TLL2: variants seen among roughly 807,000 people sequenced by gnomAD.
TLL2 encodes tolloid like 2.
TLL2 carries 106 observed loss-of-function variants against 123.0 expected under a neutral mutation model. That is an observed-to-expected ratio of 0.86 (90% CI 0.74 to 1.01). The LOEUF (loss-of-function observed/expected upper bound fraction) is 1.01, where lower values mean the gene tolerates loss of function less well. TLL2 is among the 50% of genes least tolerant of loss of function. TLL2 has a pLI of 0.00. For synonymous variants in TLL2, 494 were observed against 516.8 expected, an observed-to-expected ratio of 0.96 and a Z score of 0.60; for missense variants, 1,332 against 1,336.7, an observed-to-expected ratio of 1.00 and a Z score of 0.06.
chr10:96,368,805 C>T (rs938794022), intron 20 of TLL2, among the ~76,000 whole-genome samples: 6 of 152,210 alleles, frequency 3.9e-5, no homozygotes, highest in Admixed American at 6.5e-5. Flanking sequence ...ATGGGAGCCA[C>T]GTTCCAAGGC....
At chr10:96,396,612 C>T (rs577593138) in intron 11 of TLL2, among the ~76,000 whole-genome samples, 93 of 116,596 alleles carry the variant, frequency 8.0e-4, no homozygotes, top group African/African-American at 3.0e-3. Flanking sequence ...GTAGAGGGTA[C>T]GGTGGGGTGG....
intron 3 of TLL2, among the ~76,000 whole-genome samples, chr10:96,444,105 C>G (rs1357154000): frequency 6.6e-6 from 1 of 152,184 alleles, no homozygotes; most frequent in Non-Finnish European, 1.5e-5. Flanking sequence ...TATCAATAAG[C>G]CACAGCTTAC....
chr10:96,395,107 T>C (rs570915175), intron 13 of TLL2, 80 bp downstream of exon 13: 8 of 1,415,778 alleles, frequency 5.7e-6, no homozygotes, highest in East Asian at 2.4e-5. Flanking sequence ...TAAGCTTCCA[T>C]ATGGTTTTGT....
rs1355813845 is a variant in TLL2 at position 96,432,894 on chromosome 10, G to C, written c.433C>G (p.Pro145Ala). Residue 145 changes from proline (P) to alanine (A), a missense_variant, in exon 4 of 21, where the codon CCC becomes GCC. Coordinates refer to ENST00000357947, the MANE Select transcript of TLL2 (RefSeq NM_012465.4). Reference protein sequence around the residue: ...TLHAAAKTFSPRVRRATTSRT... With the variant: ...TLHAAAKTFSARVRRATTSRT... Reference sequence around the variant, plus strand: ...GAGGTTGTGGCTCTTCGGACCCGGGGAGAGAAGGTCTTGGCTGCGGCATGC... The same window carrying C: ...GAGGTTGTGGCTCTTCGGACCCGGGCAGAGAAGGTCTTGGCTGCGGCATGC... The C allele has an allele frequency of 1.9e-5, 31 of 1,614,156 alleles. No individual in the cohort carries two copies. The highest frequency in any genetic ancestry group is 2.5e-5 in the Non-Finnish European group (29 of 1,180,020).
intron 10 of TLL2, among the ~76,000 whole-genome samples, chr10:96,404,293 T>A (rs1846428191): frequency 6.7e-6 from 1 of 149,578 alleles, no homozygotes. Flanking sequence ...TAAGCTTTCT[T>A]GTTACACCAC....
intron 2 of TLL2, among the ~76,000 whole-genome samples, chr10:96,462,495 T>A (rs1847091245): frequency 6.6e-6 from 1 of 152,194 alleles, no homozygotes; most frequent in Admixed American, 6.5e-5. Context: ...TTCACTAAAC[T>A]AGTGAACACC....
intron 2 of TLL2, among the ~76,000 whole-genome samples, chr10:96,477,743 G>A (rs1163422577): frequency 6.6e-6 from 1 of 152,210 alleles, no homozygotes; most frequent in Non-Finnish European, 1.5e-5. Context: ...AAGGATGCAA[G>A]TCCAGGCAGT....
rs566843842 is a variant in TLL2, at chr10:96,404,839, T to C, written c.1267+393A>G. On this transcript the variant is annotated intron_variant, in intron 10 of 20. Transcript: ENST00000357947. ...AGTGTACCATGAACACCTTTCCATATCAGTAGTCAACTACAACTTCATTTT... is the reference window on the plus strand; with the variant it reads ...AGTGTACCATGAACACCTTTCCATACCAGTAGTCAACTACAACTTCATTTT... 8.1e-4 allele frequency among the ~76,000 whole-genome samples: 123 copies of C among 152,290 alleles called. 1 individual carries two copies. Among genetic ancestry groups the C allele is most frequent in the African/African-American group, 2.7e-3 (113 of 41,546 alleles).
chr10:96,443,439 G>A (rs1440520796), intron 3 of TLL2, among the ~76,000 whole-genome samples: 1 of 152,152 alleles, frequency 6.6e-6, no homozygotes, highest in Non-Finnish European at 1.5e-5. Context: ...CCACAAGGAG[G>A]CACACTGGGG....
At chr10:96,380,010 T>C (rs1846171910) in intron 16 of TLL2, among the ~76,000 whole-genome samples, 1 of 152,230 alleles carries the variant, frequency 6.6e-6, no homozygotes, top group African/African-American at 2.4e-5. Flanking sequence ...ACCGCACCAC[T>C]TCCAGCCCTT....
At chr10:96,471,944 A>G (rs1847188649) in intron 2 of TLL2, among the ~76,000 whole-genome samples, 1 of 152,134 alleles carries the variant, frequency 6.6e-6, no homozygotes, top group Admixed American at 6.5e-5. Context: ...GAAGGTTCAT[A>G]ATGTTCGTCA....
chr10:96,370,801 T>C (rs1302567933), intron 19 of TLL2, among the ~76,000 whole-genome samples: 1 of 152,178 alleles, frequency 6.6e-6, no homozygotes, highest in Admixed American at 6.5e-5. Context: ...CTCTCAACCC[T>C]GGAAACCTCA....
At chr10:96,467,287 A>G (rs953007482) in intron 2 of TLL2, among the ~76,000 whole-genome samples, 1 of 152,102 alleles carries the variant, frequency 6.6e-6, no homozygotes, top group African/African-American at 2.4e-5. Context: ...GCTCAAGCAC[A>G]ATCATAGCTC....
chr10:96,498,501 G>A (rs1489105107), intron 1 of TLL2, among the ~76,000 whole-genome samples: 1 of 152,200 alleles, frequency 6.6e-6, no homozygotes, highest in Admixed American at 6.5e-5. Flanking sequence ...GGTCCAGCCA[G>A]TTTAGCTTAT....
chr10:96,385,913 G>T, intron 15 of TLL2, 142 bp downstream of exon 15: 2 of 813,652 alleles, frequency 2.5e-6, no homozygotes, highest in Admixed American at 4.0e-5. Flanking sequence ...CATTCCCCCA[G>T]ATTCTGCTAG....
At chr10:96,505,102 G>A (rs889981153) in intron 1 of TLL2, among the ~76,000 whole-genome samples, 2 of 152,218 alleles carry the variant, frequency 1.3e-5, no homozygotes, top group Non-Finnish European at 2.9e-5. Flanking sequence ...TAATTGACTC[G>A]CAGTTCTGCA....
At chr10:96,486,808 A>T (rs1460646172) in intron 1 of TLL2, among the ~76,000 whole-genome samples, 1 of 152,244 alleles carries the variant, frequency 6.6e-6, no homozygotes, top group Non-Finnish European at 1.5e-5. Context: ...AGGGCAGAGC[A>T]GCGGGGGCCG....
chr10:96,492,078 C>T (rs533585251), intron 1 of TLL2, among the ~76,000 whole-genome samples: 1 of 152,274 alleles, frequency 6.6e-6, no homozygotes, highest in African/African-American at 2.4e-5. Flanking sequence ...CTTGCCCTGG[C>T]TATCTTTTCT....
At chr10:96,369,150 C>A (rs942021201) in intron 20 of TLL2, among the ~76,000 whole-genome samples, 8 of 152,164 alleles carry the variant, frequency 5.3e-5, no homozygotes, top group Admixed American at 2.6e-4. Flanking sequence ...GGGCTGGTGC[C>A]CAGTATGGGC....
Sources: allele counts gnomAD v4.1 joint callset (sites outside exome capture counted in the v4.1 genomes callset), GRCh38; gene constraint gnomAD v4.1.1; transcripts MANE v1.5; gene names NCBI Gene and HGNC (gene_info 2026-07-23, HGNC 2026-07-21).